GLIS1: variants seen among roughly 807,000 people sequenced by gnomAD.
The protein encoded by GLIS1 is zinc finger protein GLIS1.
GLIS1 carries 24 observed loss-of-function variants against 63.8 expected under a neutral mutation model. The ratio of observed to expected loss-of-function variants is 0.38; its 90% CI spans 0.27 to 0.53. GLIS1 has a LOEUF of 0.53. Ranked by LOEUF, GLIS1 falls within the 20% of genes least tolerant of loss-of-function variation. The probability of loss-of-function intolerance (pLI) is 0.85; values close to 1 mark genes in which losing one functional copy is unlikely to be tolerated. For missense variants in GLIS1, 1,036 were observed against 1,074.1 expected (o/e 0.96, Z 0.50); for synonymous variants, 450 against 482.5 (o/e 0.93, Z 0.88).
rs923457300 is a variant in GLIS1, at chr1:53,524,961, G to A, written c.1483-74C>T. 3.6e-6 allele frequency: 4 copies of A among 1,112,406 alleles called. No individual in the cohort carries two copies. In the African/African-American group the frequency reaches 6.1e-5, roughly 17 times the overall value. The allele number at this position is 1,112,406 out of a possible 1,614,324, so 68.9% of individuals were successfully genotyped here. A position where few individuals can be genotyped will look rare whatever the true frequency, so the allele number is the denominator to read the frequency against. ...GACACGCGCCTCCGCGTGACCTGCT[G>A]TGGGGAGGTGACCAGGCGAGAGGCT... is the stretch of plus-strand genomic sequence containing the variant. On this transcript the variant is annotated intron_variant, in intron 5 of 10. Coordinates refer to ENST00000628545, the MANE Select transcript of GLIS1 (RefSeq NM_001367484.1).
At chr1:53,535,202 AT>A (rs1485114255) in intron 4 of GLIS1, among the ~76,000 whole-genome samples, 1 of 151,844 alleles carries the variant, frequency 6.6e-6, no homozygotes, top group Non-Finnish European at 1.5e-5. Context: ...AAATTTGGGG[AT>A]TTTTGATTCT....
chr1:53,547,924 G>A (rs1230212094), intron 4 of GLIS1, among the ~76,000 whole-genome samples: 2 of 152,214 alleles, frequency 1.3e-5, no homozygotes, highest in African/African-American at 2.4e-5. Flanking sequence ...CAGCAGGGAG[G>A]ACTTGGTTTT....
intron 2 of GLIS1, among the ~76,000 whole-genome samples, chr1:53,681,855 T>C (rs1040683978): frequency 6.6e-6 from 1 of 151,520 alleles, no homozygotes; most frequent in Non-Finnish European, 1.5e-5. Context: ...TCCTCCCCCA[T>C]CCTCTTCTTC....
At chr1:53,517,966 G>T (rs1431460398) in intron 7 of GLIS1, among the ~76,000 whole-genome samples, 1 of 152,236 alleles carries the variant, frequency 6.6e-6, no homozygotes, top group Non-Finnish European at 1.5e-5. Context: ...AAGTGGGGAC[G>T]CCACGGGGCC....
chr1:53,604,228 A>C (rs1645347209), intron 2 of GLIS1, among the ~76,000 whole-genome samples: 1 of 152,202 alleles, frequency 6.6e-6, no homozygotes, highest in Non-Finnish European at 1.5e-5. Context: ...TGTCCCCAGA[A>C]AGGGCAGGTC....
In GLIS1 at chr1:53,735,887, T is replaced by C. The variant is rs1262450976; in HGVS notation, c.259+1919A>G. 2.0e-5 allele frequency among the ~76,000 whole-genome samples: 3 copies of C among 152,254 alleles called. No individual in the cohort carries two copies. In the East Asian group the frequency reaches 5.8e-4, roughly 29 times the overall value. ...GGTGACTGCACTGTGAGGAAAAGCT[T>C]GCCTATAGCAACACAGAGGCCAGCA... On this transcript the variant is annotated intron_variant, in intron 2 of 10. Transcript: ENST00000628545.
At chr1:53,624,240 T>C (rs1162063883) in intron 2 of GLIS1, among the ~76,000 whole-genome samples, 1 of 152,200 alleles carries the variant, frequency 6.6e-6, no homozygotes, top group Non-Finnish European at 1.5e-5. Context: ...TAAATCCACA[T>C]TTACATGGTC....
At chr1:53,687,842 C>T (rs1646356277) in intron 2 of GLIS1, among the ~76,000 whole-genome samples, 1 of 152,212 alleles carries the variant, frequency 6.6e-6, no homozygotes, top group African/African-American at 2.4e-5. Context: ...CCCACTTGTG[C>T]AGGCTCCCAG....
chr1:53,724,906 AAAAT>A (rs1293108524), intron 2 of GLIS1, among the ~76,000 whole-genome samples: 2 of 152,202 alleles, frequency 1.3e-5, no homozygotes, highest in African/African-American at 4.8e-5. Flanking sequence ...ATAATGAAAA[AAAAT>A]GAGGAGGAGA....
chr1:53,551,738 G>A (rs1644761753), intron 4 of GLIS1, among the ~76,000 whole-genome samples: 1 of 152,044 alleles, frequency 6.6e-6, no homozygotes, highest in Admixed American at 6.5e-5. Flanking sequence ...CCCTCTGCCT[G>A]CCATTCAAGG....
At chr1:53,568,379 A>G (rs1001681066) in intron 4 of GLIS1, among the ~76,000 whole-genome samples, 6 of 152,204 alleles carry the variant, frequency 3.9e-5, no homozygotes, top group African/African-American at 1.4e-4. Flanking sequence ...TTTTTTATTT[A>G]ACAGGCTCGT....
chr1:53,633,130 T>TGA (rs1163191535), intron 2 of GLIS1, among the ~76,000 whole-genome samples: 3 of 137,900 alleles, frequency 2.2e-5, no homozygotes, highest in African/African-American at 2.8e-5. Flanking sequence ...GAGGGGCATG[T>TGA]ATATGTGTGA....
chr1:53,541,719 C>T (rs1025325261), intron 4 of GLIS1, among the ~76,000 whole-genome samples: 5 of 152,240 alleles, frequency 3.3e-5, no homozygotes, highest in Non-Finnish European at 5.9e-5. Context: ...CAAACCCATC[C>T]GGTGGCCAAG....
Position 53,639,581 on chromosome 1 carries a change from G to A in GLIS1, c.260-39303C>T, listed in dbSNP as rs544296829. Among the ~76,000 whole-genome samples, 6 of 152,286 alleles carry A rather than the reference G, an allele frequency of 3.9e-5. No homozygotes were observed. The East Asian group carries it at 9.6e-4, about 24-fold the overall frequency. ...TGATTCACAATTTGACGGAGGCCTA[G>A]AGCTGGATCCACCAGAGGGTGACGA... On this transcript the variant is annotated intron_variant, in intron 2 of 10. Coordinates refer to ENST00000628545, the MANE Select transcript of GLIS1 (RefSeq NM_001367484.1). This position sits in a 1 kb window ranked among gnomAD's most constrained non-coding sequence, Gnocchi z 4.6.
At chr1:53,584,624 T>G (rs796973031) in intron 4 of GLIS1, among the ~76,000 whole-genome samples, 10 of 152,190 alleles carry the variant, frequency 6.6e-5, no homozygotes, top group African/African-American at 2.4e-4. Context: ...GGTGGCCAGG[T>G]GGGGGTGGAC....
intron 2 of GLIS1, among the ~76,000 whole-genome samples, chr1:53,698,848 C>T (rs1215372212): frequency 6.6e-6 from 1 of 152,194 alleles, no homozygotes; most frequent in African/African-American, 2.4e-5. Context: ...TCATCTGACC[C>T]TCATCACGAA....
At chr1:53,578,849 A>G (rs574847138) in intron 4 of GLIS1, among the ~76,000 whole-genome samples, 2 of 152,308 alleles carry the variant, frequency 1.3e-5, no homozygotes, top group South Asian at 2.1e-4. Flanking sequence ...AGAACATTGC[A>G]ACAGGATTTT....
intron 2 of GLIS1, among the ~76,000 whole-genome samples, chr1:53,711,797 C>A (rs1646649772): frequency 6.6e-6 from 1 of 152,250 alleles, no homozygotes; most frequent in South Asian, 2.1e-4. Context: ...TGTGGCATCA[C>A]AGAGCCATGG....
chr1:53,726,635 A>G (rs1646808497), intron 2 of GLIS1, among the ~76,000 whole-genome samples: 1 of 152,074 alleles, frequency 6.6e-6, no homozygotes, highest in South Asian at 2.1e-4. Flanking sequence ...CCACAGGCTG[A>G]ACAAGCATCT....
Sources: gnomAD v4.1 joint callset for allele counts (sites outside exome capture counted in the v4.1 genomes callset) on GRCh38, gnomAD v4.1.1 for gene constraint, Gnocchi (gnomAD v3.1) non-coding constraint, MANE v1.5 for transcripts, NCBI Gene and HGNC (gene_info 2026-07-23, HGNC 2026-07-21) for gene names.